NCOR2: variants seen among roughly 807,000 people sequenced by gnomAD.
The protein encoded by NCOR2 is CTG repeat protein 26.
A neutral mutation model predicts 262.9 loss-of-function variants in NCOR2; 81 were observed. The observed-to-expected ratio is 0.31, with a 90% CI of 0.26 to 0.37. NCOR2 has a LOEUF of 0.37. NCOR2 is among the 10% of genes least tolerant of loss of function. The pLI is 1.00. For synonymous variants in NCOR2, 1,659 were observed against 1,559.3 expected (o/e 1.06, Z -1.51); for missense variants, 3,385 against 3,621.4 (o/e 0.93, Z 1.68).
intron 20 of NCOR2, among the ~76,000 whole-genome samples, chr12:124,365,673 C>G (rs2038975616): frequency 6.6e-6 from 1 of 152,132 alleles, no homozygotes; most frequent in African/African-American, 2.4e-5. Context: ...GAAGGTCACC[C>G]TGACTTCTGC....
At chr12:124,358,086 T>TGC (rs368151469) in intron 22 of NCOR2, among the ~76,000 whole-genome samples, 2 of 17,916 alleles carry the variant, frequency 1.1e-4, no homozygotes, top group Admixed American at 3.5e-4. Context: ...TAACCTGTGA[T>TGC]GTGTGTGTGC....
At chr12:124,339,465 T>TA (rs1346483465) in intron 37 of NCOR2, among the ~76,000 whole-genome samples, 1 of 131,742 alleles carries the variant, frequency 7.6e-6, no homozygotes, top group Non-Finnish European at 1.6e-5. Flanking sequence ...CTTACCTACC[T>TA]AACGTGACCA....
intron 12 of NCOR2, 68 bp from the exon 15 acceptor site, chr12:124,420,123 T>A (rs2043129357): frequency 7.4e-7 from 1 of 1,356,600 alleles, no homozygotes; most frequent in Admixed American, 1.7e-5. Context: ...AGCCAGGAGC[T>A]CACATCCTGG....
intron 28 of NCOR2, among the ~76,000 whole-genome samples, chr12:124,349,707 A>C (rs2037271553): frequency 6.6e-6 from 1 of 152,178 alleles, no homozygotes; most frequent in South Asian, 2.1e-4. Flanking sequence ...CTGAAGGCCT[A>C]TAAAGGCTCA....
rs1476268487 is a variant in NCOR2, at chr12:124,504,860, A to C, written c.-117-9492T>G. Among the ~76,000 whole-genome samples, 2 of 152,178 alleles carry C rather than the reference A, an allele frequency of 1.3e-5. No homozygotes were observed. Among genetic ancestry groups the C allele is most frequent in the Non-Finnish European group, 2.9e-5 (2 of 68,026 alleles). The stretch of plus-strand genomic sequence containing the variant: ...GACAGAACAAAGGCCCGAGGCTGCC[A>C]GGGGTTGTGGGGAGGGAGGAGAGGG... On this transcript the variant is annotated intron_variant, in intron 1 of 46. Coordinates refer to the NCOR2 transcript ENST00000404621. The surrounding 1 kb of genome is among the most constrained non-coding windows in gnomAD (Gnocchi z 4.5).
chr12:124,451,473 G>C (rs923226762), intron 6 of NCOR2, among the ~76,000 whole-genome samples: 1 of 152,210 alleles, frequency 6.6e-6, no homozygotes, highest in Admixed American at 6.5e-5. Context: ...GCTGGTAAGA[G>C]ATGAGCCTGA....
chr12:124,444,420 AG>A (rs1192549336), intron 7 of NCOR2, among the ~76,000 whole-genome samples: 1 of 152,152 alleles, frequency 6.6e-6, no homozygotes, highest in African/African-American at 2.4e-5. Context: ...AGGAATTATG[AG>A]AGTATTCCAG....
rs2048317382 is a variant in NCOR2, at chr12:124,495,130, C to T, written c.105+17G>A. On this transcript the variant is annotated intron_variant, in intron 1 of 46. Coordinates refer to ENST00000405201, the Ensembl canonical transcript of NCOR2. This position sits in a 1 kb window ranked among gnomAD's most constrained non-coding sequence, Gnocchi z 4.4. ...TCTCAAAGGTAGCCCCAGGCGCACACATGTGCACCCCCTTACCGTGTGCGT... is the reference window on the plus strand; with the variant it reads ...TCTCAAAGGTAGCCCCAGGCGCACATATGTGCACCCCCTTACCGTGTGCGT... The T allele has an allele frequency of 1.9e-6, 3 of 1,612,990 alleles. No homozygotes were observed. Among genetic ancestry groups the T allele is most frequent in the Admixed American group, 1.7e-5 (1 of 59,778 alleles).
Position 124,325,377 on chromosome 12 carries a change from G to GCCCCCCCCCCCCCCCC in NCOR2, c.*24_*25insGGGGGGGGGGGGGGGG, listed in dbSNP as rs58967881. On this transcript the variant is annotated 3_prime_UTR_variant, in exon 47 of 47. Transcript: ENST00000405201. ...CTGTGGCTCGCTGGGACCTGACACCGCCCCCCCCCCCGCCCTGTTCTGAGT... is the reference window on the plus strand; with the variant it reads ...CTGTGGCTCGCTGGGACCTGACACCGCCCCCCCCCCCCCCCCCCCCCCCCCCCGCCCTGTTCTGAGT... 6.4e-5 allele frequency: 16 copies of GCCCCCCCCCCCCCCCC among 251,128 alleles called. 1 individual carries two copies. The highest frequency in any genetic ancestry group is 1.3e-4 in the East Asian group (2 of 15,360). The allele number at this position is 251,128 out of a possible 1,614,324, so 15.6% of individuals were successfully genotyped here. A position where few individuals can be genotyped will look rare whatever the true frequency, so the allele number is the denominator to read the frequency against.
chr12:124,475,939 A>G (rs959224096), intron 3 of NCOR2, among the ~76,000 whole-genome samples: 1 of 152,194 alleles, frequency 6.6e-6, no homozygotes, highest in Admixed American at 6.5e-5. Context: ...GGCTGAGCAT[A>G]AGCGCCAAAG....
intron 13 of NCOR2, among the ~76,000 whole-genome samples, chr12:124,404,484 A>C (rs2136213840): frequency 6.6e-6 from 1 of 152,346 alleles, no homozygotes; most frequent in South Asian, 2.1e-4. Context: ...CAGCCCCTGC[A>C]CCTAGGCTGG....
chr12:124,450,190 G>A (rs142582169), intron 6 of NCOR2, among the ~76,000 whole-genome samples: 1 of 152,370 alleles, frequency 6.6e-6, no homozygotes, highest in African/African-American at 2.4e-5. Flanking sequence ...ACACACCCCA[G>A]AGATTGGCCC....
In NCOR2 at chr12:124,548,195, G is replaced by T. The variant is rs533817929; in HGVS notation, c.-164-12584C>A. On this transcript the variant is annotated intron_variant, in intron 1 of 32. Transcript: ENST00000458234. This position sits in a 1 kb window ranked among gnomAD's most constrained non-coding sequence, Gnocchi z 5.1. ...GAGCTGGGACCTGAATGGCAGCAAG[G>T]AGCCAGCTGTGTCAATATGCAGGGA... Among the ~76,000 whole-genome samples, 5 of 152,178 alleles carry T rather than the reference G, an allele frequency of 3.3e-5. No homozygotes were observed. The highest frequency in any genetic ancestry group is 2.0e-4 in the Admixed American group (3 of 15,280).
intron 1 of NCOR2, among the ~76,000 whole-genome samples, chr12:124,516,740 C>A (rs562707185): frequency 4.0e-5 from 6 of 150,650 alleles, no homozygotes; most frequent in Non-Finnish European, 7.4e-5. Flanking sequence ...AACCTCAGTC[C>A]GGCCACTACA....
At chr12:124,327,700 C>CAGAGAGAGAGAAGGG in intron 44 of NCOR2, 67 bp from the exon 47 acceptor site, 1 of 1,142,490 alleles carries the variant, frequency 8.8e-7, no homozygotes, top group Non-Finnish European at 1.3e-6. Context: ...AGAGGGGCGA[C>CAGAGAGAGAGAAGGG]AGAGAGAGAG....
Position 124,438,812 on chromosome 12 carries a change from G to A in NCOR2, c.816-816C>T, listed in dbSNP as rs1319293174. ...AGAGAGAGAGAGAGAGAGAGAGACG[G>A]AGACCCAGAGAGAGGGAGACAGAGA... On this transcript the variant is annotated intron_variant, in intron 7 of 46. Coordinates refer to ENST00000405201, the Ensembl canonical transcript of NCOR2. Among the ~76,000 whole-genome samples, 319 of 120,548 alleles carry A rather than the reference G, an allele frequency of 2.6e-3. 6 individuals carry two copies. The highest frequency in any genetic ancestry group is 5.7e-3 in the Admixed American group (68 of 11,962). The allele number at this position is 120,548 out of a possible 152,430, so 79.1% of individuals were successfully genotyped here.
At chr12:124,425,974 G>A (rs2043519679) in intron 11 of NCOR2, among the ~76,000 whole-genome samples, 1 of 152,176 alleles carries the variant, frequency 6.6e-6, no homozygotes, top group African/African-American at 2.4e-5. Flanking sequence ...AACCCACTCA[G>A]CCAGCAGCTA....
intron 1 of NCOR2, among the ~76,000 whole-genome samples, chr12:124,564,135 C>T (rs1279845600): frequency 1.3e-5 from 2 of 152,262 alleles, no homozygotes; most frequent in Non-Finnish European, 2.9e-5. Context: ...GTATGATCCA[C>T]AGCCTTTTCC....
chr12:124,340,219 T>C lies in NCOR2; in HGVS notation c.5489-15A>G. 1.2e-6 allele frequency: 2 copies of C among 1,605,074 alleles called. No homozygotes were observed. Among genetic ancestry groups the C allele is most frequent in the Non-Finnish European group, 1.7e-6 (2 of 1,177,222 alleles). ...CTGCTCTGTACCTGGTGACAGTCAG[T>C]GGCATCAGCAGGGGGAGGCCTCTTG... On this transcript the variant is annotated splice_polypyrimidine_tract_variant and intron_variant, in intron 36 of 46. Coordinates refer to ENST00000405201, the Ensembl canonical transcript of NCOR2.
Sources: gnomAD v4.1 joint callset for allele counts (sites outside exome capture counted in the v4.1 genomes callset) on GRCh38, gnomAD v4.1.1 for gene constraint, Gnocchi (gnomAD v3.1) non-coding constraint, MANE v1.5 for transcripts, NCBI Gene and HGNC (gene_info 2026-07-23, HGNC 2026-07-21) for gene names.